Variants in YWHAB observed in about 807,000 individuals in gnomAD.
YWHAB encodes 14-3-3 protein beta/alpha.
In YWHAB, 2 loss-of-function variants were observed where a neutral mutation model predicts 28.5. The ratio of observed to expected loss-of-function variants is 0.07; its 90% CI spans 0.03 to 0.22. YWHAB has a LOEUF of 0.22. Among genes scored for constraint, YWHAB ranks in the 10% least tolerant of loss-of-function variants. The pLI, the probability that YWHAB is intolerant of heterozygous loss-of-function variation, is 1.00. For missense variants in YWHAB, 148 were observed against 297.1 expected, an observed-to-expected ratio of 0.50 and a Z score of 3.69; for synonymous variants, 103 against 104.7, an observed-to-expected ratio of 0.98 and a Z score of 0.10.
chr20:44,905,848 G>T, intron 4 of YWHAB, 153 bp from the exon 5 acceptor site: 1 of 605,432 alleles, frequency 1.7e-6, no homozygotes, highest in Admixed American at 2.7e-5. Context: ...TTATACTTCT[G>T]CTGGAAACAG....
Position 44,891,752 on chromosome 20 carries a change from A to C in YWHAB, c.-4+5866A>C, listed in dbSNP as rs559091816. ...TGCAACAGCTGATGTGAAAGAGGGA[A>C]GGGATTTTGAAATAATAGAAATGCA... is the stretch of plus-strand genomic sequence containing the variant. On this transcript the variant is annotated intron_variant, in intron 1 of 5. Coordinates refer to ENST00000353703, the MANE Select transcript of YWHAB (RefSeq NM_139323.4). Among the ~76,000 whole-genome samples, 469 of 152,352 alleles carry C rather than the reference A, an allele frequency of 3.1e-3. 3 individuals carry two copies. The highest frequency in any genetic ancestry group is 4.1e-3 in the Non-Finnish European group (280 of 68,026).
chr20:44,905,779 C>G (rs1025809227), intron 4 of YWHAB: 3 of 466,532 alleles, frequency 6.4e-6, no homozygotes. Flanking sequence ...TTATTAGGTA[C>G]AGCAAAGTTC....
chr20:44,901,547 A>G lies in YWHAB; in HGVS notation c.14A>G (p.Lys5Arg). MTMD[K>R]SELVQKAKLA... is the part of the protein sequence containing the mutation. ...TTGTTCTAGGGAATGACAATGGATA[A>G]AAGTGAGCTGGTACAGAAAGCCAAA... Residue 5 changes from lysine to arginine, a missense_variant, in exon 2 of 6, where the codon AAA (lysine) becomes AGA (arginine). Physicochemically the swap from Lys to Arg is conservative, Grantham distance 26 (BLOSUM62 2). Coordinates refer to ENST00000353703, the MANE Select transcript of YWHAB (RefSeq NM_139323.4). 6.2e-7 allele frequency: 1 copy of G among 1,600,176 alleles called. No individual in the cohort carries two copies.
At chr20:44,904,853 T>G (rs1391976666) in intron 3 of YWHAB, 115 bp from the exon 4 acceptor site, 1 of 1,016,294 alleles carries the variant, frequency 9.8e-7, no homozygotes, top group Admixed American at 2.7e-5. Flanking sequence ...ACACTTCATT[T>G]GATAGGTCAT....
chr20:44,893,509 A>G (rs924321808), intron 1 of YWHAB, among the ~76,000 whole-genome samples: 1 of 152,182 alleles, frequency 6.6e-6, no homozygotes. Flanking sequence ...ACCAGTGTTA[A>G]CCATTTGGTG....
intron 1 of YWHAB, among the ~76,000 whole-genome samples, chr20:44,893,657 C>T (rs2066576901): frequency 6.7e-6 from 1 of 148,994 alleles, no homozygotes; most frequent in African/African-American, 2.5e-5. Flanking sequence ...TTGATGGCCA[C>T]GTAATCTTGT....
At chr20:44,897,341 A>C (rs570501288) in intron 1 of YWHAB, among the ~76,000 whole-genome samples, 1 of 152,304 alleles carries the variant, frequency 6.6e-6, no homozygotes, top group African/African-American at 2.4e-5. Context: ...ATTTGGAGTA[A>C]TCCACAGGTA....
chr20:44,901,009 C>T (rs903931698), intron 1 of YWHAB, among the ~76,000 whole-genome samples: 10 of 152,098 alleles, frequency 6.6e-5, no homozygotes, highest in Non-Finnish European at 8.8e-5. Context: ...CTCCTGACCT[C>T]GTGAATTGCC....
intron 2 of YWHAB, chr20:44,902,435 C>T (rs2066632852): frequency 6.6e-6 from 1 of 152,166 alleles, no homozygotes; most frequent in Non-Finnish European, 1.5e-5. Flanking sequence ...GTACGTACTC[C>T]AAAACAAATC....
At chr20:44,901,321 A>G (rs2066625133) in intron 1 of YWHAB, among the ~76,000 whole-genome samples, 1 of 152,204 alleles carries the variant, frequency 6.6e-6, no homozygotes, top group East Asian at 1.9e-4. Flanking sequence ...TGTTGGGAAG[A>G]TTACTGGACC....
chr20:44,895,357 A>G (rs1692655749), intron 1 of YWHAB, among the ~76,000 whole-genome samples: 1 of 152,220 alleles, frequency 6.6e-6, no homozygotes. Context: ...AGAGGAGACA[A>G]TTTATCAGGA....
intron 1 of YWHAB, 149 bp from the exon 2 acceptor site, chr20:44,901,382 A>G: frequency 1.2e-6 from 1 of 808,412 alleles, no homozygotes; most frequent in East Asian, 2.5e-5. Context: ...GGTGTTTGAT[A>G]TATCATCAAT....
rs1241931267 is a variant in YWHAB at position 44,908,019 on chromosome 20, A to T, written c.*1581A>T. ...GTTGCGTGAACACTGCAGTGGGGAG[A>T]ATTGAGAATAGTCAGGCCTATCAGT... On this transcript the variant is annotated 3_prime_UTR_variant, in exon 6 of 6. Transcript: ENST00000353703. The T allele has an allele frequency of 6.6e-6, 1 of 152,548 alleles. No homozygotes were observed. Among genetic ancestry groups the T allele is most frequent in the Non-Finnish European group, 1.5e-5 (1 of 68,028 alleles). 9.4% of individuals were successfully genotyped at this position (152,548 alleles called of 1,614,324 possible). A position where few individuals can be genotyped will look rare whatever the true frequency, so the allele number is the denominator to read the frequency against.
chr20:44,885,767 CGCCGCT>C lies in YWHAB; in HGVS notation c.-120_-115del, dbSNP rs2066521996. 1.6e-5 allele frequency: 3 copies of C among 182,238 alleles called. No individual in the cohort carries two copies. The highest frequency in any genetic ancestry group is 3.4e-5 in the Non-Finnish European group (3 of 88,726). The allele number at this position is 182,238 out of a possible 1,614,324, so 11.3% of individuals were successfully genotyped here. ...GAGCCGGGGTAGTCGCCGCCGCCGC[CGCCGCT>C]GCAGCCACTGCAGGCACCGCTGCCG... is the stretch of plus-strand genomic sequence containing the variant. On this transcript the variant is annotated 5_prime_UTR_variant, in exon 1 of 6. Coordinates refer to ENST00000353703, the MANE Select transcript of YWHAB (RefSeq NM_139323.4).
chr20:44,890,744 T>C (rs981755365), intron 1 of YWHAB, among the ~76,000 whole-genome samples: 4 of 151,748 alleles, frequency 2.6e-5, no homozygotes, highest in African/African-American at 7.3e-5. Context: ...CTCCTGACCT[T>C]GCGATCCACC....
intron 1 of YWHAB, among the ~76,000 whole-genome samples, chr20:44,900,088 G>C (rs1199207596): frequency 6.6e-6 from 1 of 151,662 alleles, no homozygotes; most frequent in Non-Finnish European, 1.5e-5. Flanking sequence ...TCAGTTGGTT[G>C]CCCAGGCTGG....
chr20:44,890,429 C>A (rs1403617722), intron 1 of YWHAB, among the ~76,000 whole-genome samples: 1 of 149,786 alleles, frequency 6.7e-6, no homozygotes, highest in African/African-American at 2.4e-5. Context: ...ATCAGTTGAT[C>A]AAGCAGTCAC....
intron 1 of YWHAB, among the ~76,000 whole-genome samples, chr20:44,889,210 T>C (rs931398322): frequency 6.6e-6 from 1 of 152,220 alleles, no homozygotes; most frequent in South Asian, 2.1e-4. Context: ...TTAGCAGTCA[T>C]CTGTATTGCA....
intron 1 of YWHAB, among the ~76,000 whole-genome samples, chr20:44,900,967 G>A (rs1040252770): frequency 1.7e-4 from 26 of 152,060 alleles, no homozygotes; most frequent in African/African-American, 4.8e-4. Flanking sequence ...GTAGAGATGG[G>A]GTTTCACTGT....
Sources: gnomAD v4.1 joint callset for allele counts (sites outside exome capture counted in the v4.1 genomes callset) on GRCh38, gnomAD v4.1.1 for gene constraint, MANE v1.5 for transcripts, NCBI Gene and HGNC (gene_info 2026-07-23, HGNC 2026-07-21) for gene names.